The following CDH9 variants were observed in gnomAD, a reference collection of about 807,000 sequenced individuals.
CDH9 encodes cadherin-9.
Under a neutral mutation model 70.9 loss-of-function variants are expected in CDH9, and 28 were observed. The ratio of observed to expected loss-of-function variants is 0.40; its 90% CI spans 0.29 to 0.54. CDH9 has a LOEUF of 0.54. Among genes scored for constraint, CDH9 ranks in the 20% least tolerant of loss-of-function variants. The pLI is 0.59. For missense variants in CDH9, 874 were observed against 984.4 expected (o/e 0.89, Z 1.50); for synonymous variants, 409 against 343.1 (o/e 1.19, Z -2.12).
chr5:26,919,902 C>T (rs1166222148), intron 2 of CDH9, among the ~76,000 whole-genome samples: 3 of 152,130 alleles, frequency 2.0e-5, no homozygotes, highest in Non-Finnish European at 4.4e-5. Flanking sequence ...GCAAGCAACA[C>T]TTGCTGTGGG....
chr5:26,903,026 T>C (rs1055418776), intron 6 of CDH9: 3 of 243,812 alleles, frequency 1.2e-5, no homozygotes, highest in Non-Finnish European at 2.4e-5. Context: ...TTATACATTA[T>C]GTATTATCAT....
chr5:27,012,324 C>A (rs1742972934), intron 1 of CDH9, among the ~76,000 whole-genome samples: 1 of 151,874 alleles, frequency 6.6e-6, no homozygotes, highest in African/African-American at 2.4e-5. Context: ...TTGGCTGAAT[C>A]TGTAGATGGC....
chr5:27,016,703 G>C (rs113039349), intron 1 of CDH9, among the ~76,000 whole-genome samples: 3,270 of 151,728 alleles, frequency 0.022, 131 homozygotes, highest in African/African-American at 0.074. Context: ...GTTATTTTTA[G>C]CCATTAAAAA....
intron 1 of CDH9, among the ~76,000 whole-genome samples, chr5:27,023,918 G>C (rs950752133): frequency 1.3e-5 from 2 of 151,796 alleles, no homozygotes; most frequent in African/African-American, 4.8e-5. Context: ...TGGGCATGGT[G>C]GTGGGCACCT....
intron 1 of CDH9, among the ~76,000 whole-genome samples, chr5:27,014,591 T>G (rs16896454): frequency 0.023 from 3,567 of 151,990 alleles, 153 homozygotes; most frequent in African/African-American, 0.082. Context: ...GATAGACAGT[T>G]TTTATTTAAC....
chr5:26,884,680 G>T (rs1740530196), intron 11 of CDH9, among the ~76,000 whole-genome samples: 1 of 152,178 alleles, frequency 6.6e-6, no homozygotes, highest in Non-Finnish European at 1.5e-5. Context: ...TGGCCAAAGG[G>T]ATTTCATCCA....
At chr5:27,030,100 A>G (rs1743285751) in intron 1 of CDH9, among the ~76,000 whole-genome samples, 1 of 152,132 alleles carries the variant, frequency 6.6e-6, no homozygotes, top group East Asian at 1.9e-4. Context: ...ATGCAACTGT[A>G]TACCTGCAGG....
chr5:26,895,104 T>C (rs1740726843), intron 7 of CDH9, among the ~76,000 whole-genome samples: 1 of 152,010 alleles, frequency 6.6e-6, no homozygotes, highest in Non-Finnish European at 1.5e-5. Flanking sequence ...ATGCATTCCT[T>C]TTTCTCTGCT....
intron 3 of CDH9, among the ~76,000 whole-genome samples, chr5:26,913,032 G>T (rs1364029260): frequency 1.3e-5 from 2 of 152,116 alleles, no homozygotes; most frequent in Non-Finnish European, 1.5e-5. Context: ...TGATGATTGT[G>T]AGGCCTCCTC....
At chr5:26,914,920 C>CT (rs1265035867) in intron 3 of CDH9, among the ~76,000 whole-genome samples, 37 of 151,974 alleles carry the variant, frequency 2.4e-4, no homozygotes, top group Non-Finnish European at 4.9e-4. Flanking sequence ...AAACCTAAAC[C>CT]TTTTATATTA....
intron 1 of CDH9, among the ~76,000 whole-genome samples, chr5:26,991,904 A>T (rs959683581): frequency 3.3e-5 from 5 of 152,178 alleles, no homozygotes; most frequent in African/African-American, 1.2e-4. Flanking sequence ...TCTATCACCA[A>T]CACCATTTGG....
At chr5:26,921,924 T>C (rs1419795508) in intron 2 of CDH9, among the ~76,000 whole-genome samples, 1 of 150,406 alleles carries the variant, frequency 6.6e-6, no homozygotes, top group Non-Finnish European at 1.5e-5. Flanking sequence ...GCTGAAAAAA[T>C]GCACACTGAA....
intron 1 of CDH9, among the ~76,000 whole-genome samples, chr5:26,996,711 T>C (rs886695235): frequency 1.1e-4 from 17 of 151,666 alleles, no homozygotes; most frequent in Admixed American, 6.6e-4. Flanking sequence ...TAATCACTAG[T>C]TTGTTAAGCT....
intron 2 of CDH9, among the ~76,000 whole-genome samples, chr5:26,955,356 ATCC>A (rs1336756027): frequency 2.6e-5 from 4 of 152,196 alleles, no homozygotes; most frequent in Admixed American, 6.5e-5. Flanking sequence ...TTATCTTGCA[ATCC>A]TCCTGGTCTG....
At chr5:26,926,695 T>C (rs1331526121) in intron 2 of CDH9, among the ~76,000 whole-genome samples, 1 of 151,940 alleles carries the variant, frequency 6.6e-6, no homozygotes, top group Non-Finnish European at 1.5e-5. Context: ...CTTCAAACTA[T>C]ACTACAAGGC....
chr5:27,023,511 A>G lies in CDH9; in HGVS notation c.-50+14952T>C, dbSNP rs906747494. On this transcript the variant is annotated intron_variant, in intron 1 of 11. Transcript: ENST00000231021. Reference sequence around the variant, plus strand: ...TCTCATTGATAATGAATTCTTATTTATATAACTACTCTAGTAGGCCTGGAT... The same window carrying G: ...TCTCATTGATAATGAATTCTTATTTGTATAACTACTCTAGTAGGCCTGGAT... Among the ~76,000 whole-genome samples the G allele has an allele frequency of 3.9e-5, 6 of 152,088 alleles. No individual in the cohort carries two copies. In the East Asian group the frequency reaches 5.8e-4, roughly 15 times the overall value.
rs553343223 is a variant in CDH9 at position 26,910,397 on chromosome 5, TA to T, written c.524-3560del. Among the ~76,000 whole-genome samples, 141 of 152,340 alleles carry T rather than the reference TA, an allele frequency of 9.3e-4. 1 individual carries two copies. Among genetic ancestry groups the T allele is most frequent in the African/African-American group, 3.4e-3 (140 of 41,580 alleles). ...TATAGAGAAGGGGAAATACTGCCTTTATTCTTCTTTAACAAACAGCAACTTT... is the reference window on the plus strand; with the variant it reads ...TATAGAGAAGGGGAAATACTGCCTTTTTCTTCTTTAACAAACAGCAACTTT... On this transcript the variant is annotated intron_variant, in intron 3 of 11. Transcript: ENST00000231021.
chr5:27,028,011 A>G lies in CDH9; in HGVS notation c.-50+10452T>C, dbSNP rs556204738. 1.9e-4 allele frequency among the ~76,000 whole-genome samples: 29 copies of G among 152,142 alleles called. 1 individual carries two copies. Among genetic ancestry groups the G allele is most frequent in the Admixed American group, 1.7e-3 (26 of 15,230 alleles). ...ACATAAATACAATATTTTTGGACAG[A>G]TTTCAGAATAGTTTTGACTATTTAA... On this transcript the variant is annotated intron_variant, in intron 1 of 11. Coordinates refer to ENST00000231021, the MANE Select transcript of CDH9 (RefSeq NM_016279.4).
intron 1 of CDH9, among the ~76,000 whole-genome samples, chr5:27,013,912 A>G (rs1414518325): frequency 1.3e-5 from 2 of 152,050 alleles, no homozygotes; most frequent in Admixed American, 6.6e-5. Context: ...GAGATAACAC[A>G]TCTATAAGGT....
Sources: allele counts gnomAD v4.1 joint callset (sites outside exome capture counted in the v4.1 genomes callset), GRCh38; gene constraint gnomAD v4.1.1; transcripts MANE v1.5; gene names NCBI Gene and HGNC (gene_info 2026-07-23, HGNC 2026-07-21).